Variants in TOX2 observed in about 807,000 individuals in gnomAD.
TOX2 encodes the protein TOX high mobility group box family member 2, also known as granulosa cell HMG box 1.
TOX2 carries 15 observed loss-of-function variants against 47.4 expected under a neutral mutation model. The ratio of observed to expected loss-of-function variants is 0.32; its 90% CI spans 0.21 to 0.49. The LOEUF is 0.49. TOX2 is among the 20% of genes least tolerant of loss of function. TOX2 has a pLI of 0.99. For synonymous variants in TOX2, 290 were observed against 296.6 expected, an observed-to-expected ratio of 0.98 and a Z score of 0.23; for missense variants, 622 against 673.1, an observed-to-expected ratio of 0.92 and a Z score of 0.84.
intron 3 of TOX2, among the ~76,000 whole-genome samples, chr20:44,047,921 A>AAAT (rs1021762748): frequency 5.3e-5 from 8 of 152,112 alleles, no homozygotes; most frequent in Admixed American, 4.6e-4. Flanking sequence ...TAGACAGTTG[A>AAAT]AATATATAAA....
In TOX2 at chr20:43,965,786, G is replaced by A. The variant is rs144947556; in HGVS notation, c.100-7581G>A. 8.1e-3 allele frequency among the ~76,000 whole-genome samples: 1,240 copies of A among 152,312 alleles called. 8 individuals are homozygous for A. Among genetic ancestry groups the A allele is most frequent in the Middle Eastern group, 0.068 (20 of 294 alleles). On this transcript the variant is annotated intron_variant, in intron 1 of 8. Coordinates refer to ENST00000341197, the MANE Select transcript of TOX2 (RefSeq NM_001098797.2). The stretch of plus-strand genomic sequence containing the variant: ...GCAAATGGGTAGAAGACATGGGAGG[G>A]ACAGGGTCAAGGTGAAGAGGCTGAC...
At chr20:44,034,722 T>C (rs2071213009) in intron 3 of TOX2, among the ~76,000 whole-genome samples, 1 of 152,222 alleles carries the variant, frequency 6.6e-6, no homozygotes, top group Non-Finnish European at 1.5e-5. Flanking sequence ...TGCTTCTCCT[T>C]CCAGGACTGG....
intron 3 of TOX2, among the ~76,000 whole-genome samples, chr20:44,040,016 A>G (rs746638005): frequency 6.6e-6 from 1 of 152,194 alleles, no homozygotes; most frequent in Non-Finnish European, 1.5e-5. Flanking sequence ...CTTAGCTGCT[A>G]AAAGTGTTGG....
intron 5 of TOX2, among the ~76,000 whole-genome samples, chr20:44,063,895 G>T (rs2071765259): frequency 6.6e-6 from 1 of 152,136 alleles, no homozygotes; most frequent in Admixed American, 6.5e-5. Context: ...TATTCTAAGT[G>T]AAGTAACTCA....
At chr20:43,988,089 T>C (rs1427457181) in intron 2 of TOX2, among the ~76,000 whole-genome samples, 1 of 151,786 alleles carries the variant, frequency 6.6e-6, no homozygotes, top group Non-Finnish European at 1.5e-5. Context: ...CCAGCTAATT[T>C]TTGTATTTTT....
Position 44,066,023 on chromosome 20 carries a change from C to A in TOX2, c.1272C>A (p.Ser424=), listed in dbSNP as rs1316162410. ...TCCTCAGTCCACCTGTTAGCATGTC[C>A]CCAGCCCCCCAGCCCCCTGTCCTGC... ...GALLSPPVSM[S]PAPQPPVLPT... Residue 424 remains serine (S), a synonymous_variant, in exon 7 of 9, where the codon TCC becomes TCA. Coordinates refer to ENST00000341197, the MANE Select transcript of TOX2 (RefSeq NM_001098797.2). 6.2e-7 allele frequency: 1 copy of A among 1,602,246 alleles called. No individual in the cohort carries two copies. The highest frequency in any genetic ancestry group is 8.5e-7 in the Non-Finnish European group (1 of 1,175,050).
chr20:44,043,610 C>A (rs1001676660), intron 3 of TOX2, among the ~76,000 whole-genome samples: 1 of 152,166 alleles, frequency 6.6e-6, no homozygotes, highest in African/African-American at 2.4e-5. Context: ...CTACAGAATT[C>A]CATTATGTGA....
intron 4 of TOX2, among the ~76,000 whole-genome samples, chr20:44,052,706 G>A (rs972808518): frequency 2.0e-5 from 3 of 152,182 alleles, no homozygotes; most frequent in African/African-American, 7.2e-5. Context: ...TATTATCTCT[G>A]TTTGGCAGAT....
intron 3 of TOX2, among the ~76,000 whole-genome samples, chr20:44,039,862 T>A (rs1440897363): frequency 6.6e-6 from 1 of 152,134 alleles, no homozygotes; most frequent in East Asian, 1.9e-4. Context: ...TCCAGGCTGT[T>A]TGGGGCACAG....
intron 3 of TOX2, chr20:44,039,159 G>A (rs1400369964): frequency 3.3e-5 from 42 of 1,265,240 alleles, no homozygotes; most frequent in Non-Finnish European, 4.3e-5. Context: ...TCTGCCAGAG[G>A]CTTGGAAAGA....
chr20:44,015,018 A>C (rs1196199000), intron 3 of TOX2, among the ~76,000 whole-genome samples: 1 of 152,110 alleles, frequency 6.6e-6, no homozygotes, highest in African/African-American at 2.4e-5. Flanking sequence ...TGACCAAGGG[A>C]AGGATCCATC....
chr20:44,018,567 T>C (rs543529553), intron 3 of TOX2, among the ~76,000 whole-genome samples: 65 of 152,306 alleles, frequency 4.3e-4, no homozygotes, highest in African/African-American at 1.5e-3. Context: ...CTGGAGCACA[T>C]AAAACTTGAG....
At chr20:43,934,798 T>TTGTGTG (rs148972789) in intron 1 of TOX2, among the ~76,000 whole-genome samples, 13,953 of 146,936 alleles carry the variant, frequency 0.095, 1,317 homozygotes, top group African/African-American at 0.24. Flanking sequence ...GTGTGTGTGT[T>TTGTGTG]TGTGTGTGTG....
chr20:43,960,798 A>G (rs376072667), intron 1 of TOX2, among the ~76,000 whole-genome samples: 1 of 152,218 alleles, frequency 6.6e-6, no homozygotes, highest in Non-Finnish European at 1.5e-5. Flanking sequence ...GGGCACTGTC[A>G]GCATGCCTTG....
rs368252979 is a variant in TOX2, at chr20:44,009,857, G to A, written c.411+3065G>A. Among the ~76,000 whole-genome samples, 155 of 152,320 alleles carry A rather than the reference G, an allele frequency of 1.0e-3. 3 individuals are homozygous for A. The South Asian group carries it at 0.03, about 30-fold the overall frequency. On this transcript the variant is annotated intron_variant, in intron 3 of 8. Coordinates refer to ENST00000341197, the MANE Select transcript of TOX2 (RefSeq NM_001098797.2). ...TGGTGCAGGGGTGAGCATGGCTACA[G>A]TTTGGGGCCACTGTGTTGCCGCCTT...
intron 3 of TOX2, among the ~76,000 whole-genome samples, chr20:44,043,047 G>A (rs1197963817): frequency 6.6e-6 from 1 of 152,202 alleles, no homozygotes; most frequent in African/African-American, 2.4e-5. Flanking sequence ...TCAGGAGAGG[G>A]AAGAGCTCCA....
At chr20:44,059,368 T>C (rs899614544) in intron 5 of TOX2, among the ~76,000 whole-genome samples, 1 of 152,098 alleles carries the variant, frequency 6.6e-6, no homozygotes, top group Admixed American at 6.5e-5. Context: ...TTTGGGATTA[T>C]GTTAAATGAC....
chr20:43,985,823 AG>A (rs2070254180), intron 2 of TOX2, among the ~76,000 whole-genome samples: 1 of 151,650 alleles, frequency 6.6e-6, no homozygotes, highest in Non-Finnish European at 1.5e-5. Flanking sequence ...CCGAGCTCAT[AG>A]TTGGGAGGGT....
intron 2 of TOX2, among the ~76,000 whole-genome samples, chr20:43,974,965 GGGCAAGACTCCA>G (rs1179825769): frequency 1.3e-5 from 2 of 152,266 alleles, no homozygotes; most frequent in Non-Finnish European, 2.9e-5. Context: ...CAAGACTGGT[GGGCAAGACTCCA>G]GGCCTTGGAA....
Sources: gnomAD v4.1 joint callset for allele counts (sites outside exome capture counted in the v4.1 genomes callset) on GRCh38, gnomAD v4.1.1 for gene constraint, MANE v1.5 for transcripts, NCBI Gene and HGNC (gene_info 2026-07-23, HGNC 2026-07-21) for gene names.